Variants in PABPC4L observed in about 807,000 individuals in gnomAD.
PABPC4L encodes the protein polyadenylate-binding protein 4-like.
For missense variants in PABPC4L, 452 were observed against 451.4 expected, an observed-to-expected ratio of 1.00 and a Z score of -0.01; for synonymous variants, 169 against 164.1, an observed-to-expected ratio of 1.03 and a Z score of -0.23.
chr4:134,003,244 C>T, the PABPC4L span, among the ~76,000 whole-genome samples: 42,652 of 151,808 alleles, frequency 0.28, 8,828 homozygotes, highest in African/African-American at 0.54. Flanking sequence ...TGCCTAACAC[C>T]TTCCAGTTAT....
the PABPC4L span, among the ~76,000 whole-genome samples, chr4:133,961,745 C>T: frequency 6.6e-6 from 1 of 152,128 alleles, no homozygotes; most frequent in Non-Finnish European, 1.5e-5. Flanking sequence ...CCGTCCCAGA[C>T]CCGCCGTTGA....
chr4:134,037,777 AT>A, the PABPC4L span, among the ~76,000 whole-genome samples: 6 of 152,128 alleles, frequency 3.9e-5, no homozygotes, highest in South Asian at 8.3e-4. Context: ...AAAAGAAACA[AT>A]TTGACTTCCT....
the PABPC4L span, among the ~76,000 whole-genome samples, chr4:134,034,764 T>C: frequency 6.6e-6 from 1 of 152,012 alleles, no homozygotes; most frequent in Non-Finnish European, 1.5e-5. Flanking sequence ...GGGGAGCTTC[T>C]TATGAATGAG....
the PABPC4L span, among the ~76,000 whole-genome samples, chr4:134,159,522 A>C: frequency 6.6e-6 from 1 of 152,188 alleles, no homozygotes; most frequent in Non-Finnish European, 1.5e-5. Flanking sequence ...ACTTTGCATT[A>C]AAGCTCAGTG....
the PABPC4L span, among the ~76,000 whole-genome samples, chr4:134,107,837 A>G: frequency 2.6e-5 from 4 of 151,588 alleles, no homozygotes; most frequent in Non-Finnish European, 5.9e-5. Context: ...TATTCTTAAC[A>G]TTAAATATTA....
At chr4:134,133,967 G>C in the PABPC4L span, among the ~76,000 whole-genome samples, 3 of 151,948 alleles carry the variant, frequency 2.0e-5, no homozygotes, top group East Asian at 3.9e-4. Context: ...ATGTAAAAGA[G>C]ATGCTATTCT....
chr4:134,006,774 C>T, the PABPC4L span, among the ~76,000 whole-genome samples: 1 of 151,940 alleles, frequency 6.6e-6, no homozygotes, highest in South Asian at 2.1e-4. Context: ...TGATATTTTA[C>T]TCATCATCTC....
the PABPC4L span, among the ~76,000 whole-genome samples, chr4:133,953,263 A>G: frequency 1.3e-5 from 2 of 151,836 alleles, no homozygotes; most frequent in African/African-American, 4.8e-5. Context: ...GTATTCTCTC[A>G]TCTTCTCCAA....
At chr4:134,136,871 C>A in the PABPC4L span, among the ~76,000 whole-genome samples, 3 of 151,986 alleles carry the variant, frequency 2.0e-5, 1 homozygote, top group South Asian at 6.2e-4. Flanking sequence ...TCATCCTTCC[C>A]ACTGAGGACA....
chr4:134,010,070 A>G, the PABPC4L span, among the ~76,000 whole-genome samples: 1 of 152,024 alleles, frequency 6.6e-6, no homozygotes, highest in Non-Finnish European at 1.5e-5. Flanking sequence ...ATCACTCTGT[A>G]TGGGTTTCTG....
chr4:134,077,221 T>G, the PABPC4L span, among the ~76,000 whole-genome samples: 1 of 152,172 alleles, frequency 6.6e-6, no homozygotes, highest in Non-Finnish European at 1.5e-5. Flanking sequence ...TCTGTACAGC[T>G]ATGTATTCTT....
At chr4:134,105,897 A>T in the PABPC4L span, among the ~76,000 whole-genome samples, 2 of 151,724 alleles carry the variant, frequency 1.3e-5, no homozygotes, top group Admixed American at 1.3e-4. Context: ...CTTTTAAATA[A>T]TTCAGTCAAG....
At chr4:134,174,595 A>C in the PABPC4L span, among the ~76,000 whole-genome samples, 2 of 152,148 alleles carry the variant, frequency 1.3e-5, no homozygotes, top group East Asian at 3.8e-4. Context: ...TATAACACTG[A>C]TCAAAACATA....
Position 134,200,334 on chromosome 4 carries a change from G to T in PABPC4L, c.686C>A (p.Ser229Tyr), listed in dbSNP as rs1314861871. The change falls in exon 2 of 2, where the codon TCC becomes TAC. Residue 229 changes from serine to tyrosine, a missense_variant. Ser to Tyr is a moderately radical substitution (Grantham distance 144). Transcript: ENST00000421491. ...AAAACTCACAAAGCCAAAGCCTTTGGATTTCCCACTGGAATCTGTCATCAC... is the reference window on the plus strand; with the variant it reads ...AAAACTCACAAAGCCAAAGCCTTTGTATTTCCCACTGGAATCTGTCATCAC... ...VKVMTDSSGK[S>Y]KGFGFVSFDS... The T allele has an allele frequency of 1.9e-6, 3 of 1,595,102 alleles. No homozygotes were observed. The highest frequency in any genetic ancestry group is 1.7e-6 in the Non-Finnish European group (2 of 1,169,640).
At chr4:134,000,575 G>A in the PABPC4L span, among the ~76,000 whole-genome samples, 1 of 152,126 alleles carries the variant, frequency 6.6e-6, no homozygotes, top group Non-Finnish European at 1.5e-5. Flanking sequence ...CTGGATCTCA[G>A]AATGCTCAGA....
At chr4:134,088,659 C>T in the PABPC4L span, among the ~76,000 whole-genome samples, 187 of 152,102 alleles carry the variant, frequency 1.2e-3, no homozygotes, top group African/African-American at 4.3e-3. Flanking sequence ...CATGTGAGGT[C>T]AAAGTACCAA....
At chr4:134,165,861 A>G in the PABPC4L span, among the ~76,000 whole-genome samples, 1 of 152,170 alleles carries the variant, frequency 6.6e-6, no homozygotes, top group Non-Finnish European at 1.5e-5. Context: ...GCCATTCACA[A>G]TTGCGTTAGT....
chr4:134,187,165 C>G, the PABPC4L span, among the ~76,000 whole-genome samples: 1 of 151,956 alleles, frequency 6.6e-6, no homozygotes, highest in Non-Finnish European at 1.5e-5. Flanking sequence ...ACTAGAAATA[C>G]CATTTGACCC....
At chr4:134,195,786 A>G (rs1729636906), downstream of PABPC4L, among the ~76,000 whole-genome samples, 1 of 151,670 alleles carries the variant, frequency 6.6e-6, no homozygotes, top group African/African-American at 2.4e-5. Context: ...ACACTTAATT[A>G]TACATATTTC....
Sources: allele counts gnomAD v4.1 joint callset (sites outside exome capture counted in the v4.1 genomes callset), GRCh38; gene constraint gnomAD v4.1.1; transcripts MANE v1.5; gene names NCBI Gene and HGNC (gene_info 2026-07-23, HGNC 2026-07-21).